The following CA10 variants were observed in gnomAD, a reference collection of about 807,000 sequenced individuals.
The protein encoded by CA10 is carbonic anhydrase-related protein 10.
CA10 carries 14 observed loss-of-function variants against 44.2 expected under a neutral mutation model. That is an observed-to-expected ratio of 0.32 (90% CI 0.21 to 0.50). The LOEUF is 0.50. Ranked by LOEUF, CA10 falls within the 20% of genes least tolerant of loss-of-function variation. The pLI, the probability that CA10 is intolerant of heterozygous loss-of-function variation, is 0.99. For synonymous variants in CA10, 159 were observed against 141.6 expected, an observed-to-expected ratio of 1.12 and a Z score of -0.87; for missense variants, 350 against 409.7, an observed-to-expected ratio of 0.85 and a Z score of 1.26.
intron 2 of CA10, among the ~76,000 whole-genome samples, chr17:52,070,734 C>A (rs797014447): frequency 1.1e-4 from 17 of 152,240 alleles, no homozygotes; most frequent in African/African-American, 4.1e-4. Context: ...GAAGCAACAA[C>A]CAACTCAAAA....
At chr17:51,746,229 C>A (rs368924629) in intron 4 of CA10, among the ~76,000 whole-genome samples, 1 of 152,206 alleles carries the variant, frequency 6.6e-6, no homozygotes, top group Non-Finnish European at 1.5e-5. Context: ...TGACATGCCT[C>A]GGGGCTTTTG....
intron 4 of CA10, among the ~76,000 whole-genome samples, chr17:51,710,682 G>C (rs981814229): frequency 2.0e-5 from 3 of 152,062 alleles, no homozygotes; most frequent in African/African-American, 7.2e-5. Context: ...AACATCCCCC[G>C]ACTGAGCTTC....
chr17:52,071,426 G>C (rs1319622237), intron 2 of CA10, among the ~76,000 whole-genome samples: 3 of 152,060 alleles, frequency 2.0e-5, no homozygotes, highest in Admixed American at 2.0e-4. Flanking sequence ...CTGCACAGCT[G>C]GTGTAATAGA....
chr17:51,715,227 G>C (rs538856874), intron 4 of CA10, among the ~76,000 whole-genome samples: 1 of 152,052 alleles, frequency 6.6e-6, no homozygotes, highest in East Asian at 1.9e-4. Context: ...GGGGTGGGGG[G>C]TGGAGGGAGG....
chr17:51,635,787 C>G (rs889989419), intron 7 of CA10, 68 bp downstream of exon 7: 2 of 1,305,616 alleles, frequency 1.5e-6, no homozygotes, highest in African/African-American at 2.9e-5. Context: ...AATAGGCACT[C>G]CACATTTCAG....
At chr17:51,640,301 A>T (rs191553353) in intron 6 of CA10, among the ~76,000 whole-genome samples, 1 of 152,320 alleles carries the variant, frequency 6.6e-6, no homozygotes, top group Admixed American at 6.5e-5. Flanking sequence ...ATCATTTATC[A>T]GATGAGGGGA....
At chr17:51,899,589 T>C (rs753064666) in intron 3 of CA10, among the ~76,000 whole-genome samples, 4 of 152,104 alleles carry the variant, frequency 2.6e-5, no homozygotes, top group Non-Finnish European at 4.4e-5. Context: ...CTAGCTCAGG[T>C]CCCAAACATA....
intron 2 of CA10, among the ~76,000 whole-genome samples, chr17:51,940,773 T>A (rs992311787): frequency 3.0e-4 from 46 of 152,110 alleles, no homozygotes; most frequent in African/African-American, 1.0e-3. Flanking sequence ...ATAACTCCTG[T>A]GCTATACTTC....
intron 3 of CA10, among the ~76,000 whole-genome samples, chr17:51,894,636 C>T (rs1204722991): frequency 6.6e-6 from 1 of 152,040 alleles, no homozygotes; most frequent in African/African-American, 2.4e-5. Context: ...AATTTTATTC[C>T]TCCAAAGGAA....
chr17:51,901,657 A>C (rs1981322660), intron 3 of CA10, among the ~76,000 whole-genome samples: 1 of 152,118 alleles, frequency 6.6e-6, no homozygotes. Context: ...CTCAGTCTGG[A>C]GCTGAGATTG....
chr17:52,147,684 G>A (rs1289491169), intron 1 of CA10, among the ~76,000 whole-genome samples: 1 of 152,024 alleles, frequency 6.6e-6, no homozygotes, highest in East Asian at 1.9e-4. Context: ...CTCTACAGGG[G>A]TTTGAGTCAC....
intron 6 of CA10, among the ~76,000 whole-genome samples, chr17:51,647,000 C>G (rs1015481664): frequency 2.7e-5 from 4 of 150,680 alleles, no homozygotes; most frequent in African/African-American, 4.9e-5. Flanking sequence ...ATCTCTTTAT[C>G]TTGCTTTGGC....
chr17:52,114,145 GCTT>G (rs1457012604), intron 1 of CA10, among the ~76,000 whole-genome samples: 1 of 152,170 alleles, frequency 6.6e-6, no homozygotes, highest in Non-Finnish European at 1.5e-5. Context: ...CCTGAATGAA[GCTT>G]CTTTATCATA....
At chr17:52,005,090 G>T (rs1457366848) in intron 2 of CA10, among the ~76,000 whole-genome samples, 1 of 151,728 alleles carries the variant, frequency 6.6e-6, no homozygotes, top group African/African-American at 2.4e-5. Context: ...CCAAGATCCT[G>T]GATCTCCAAA....
chr17:51,708,035 C>G (rs1473305387), intron 4 of CA10, among the ~76,000 whole-genome samples: 2 of 152,142 alleles, frequency 1.3e-5, no homozygotes, highest in Non-Finnish European at 2.9e-5. Flanking sequence ...GAAGATGGCA[C>G]TAAAAGTGGA....
Position 51,931,119 on chromosome 17 carries a change from C to T in CA10, c.150G>A (p.Trp50Ter). The T allele has an allele frequency of 1.9e-6, 3 of 1,613,284 alleles. No homozygotes were observed. Among genetic ancestry groups the T allele is most frequent in the Non-Finnish European group, 2.5e-6 (3 of 1,179,574 alleles). The change falls in exon 3 of 9, where the codon TGG (tryptophan) becomes TGA (stop). Residue 50 changes from tryptophan (W) to a stop codon, truncating the protein, a stop_gained. Coordinates refer to ENST00000451037, the MANE Select transcript of CA10 (RefSeq NM_020178.5). LOFTEE classifies it high-confidence loss of function. ...GATTCCAAGCTGAGTTCACCAATCCCCAGAAAGAAGGAACTAGAAACAAAA... is the reference window on the plus strand; with the variant it reads ...GATTCCAAGCTGAGTTCACCAATCCTCAGAAAGAAGGAACTAGAAACAAAA... ...QGSFVPVPSF[W>*]GLVNSAWNLC...
rs1567854687 is a variant in CA10 at position 51,831,733 on chromosome 17, A to AGCAGCAGCAGCAGCAGCAGCAGCAGCAGC, written c.280-83916_280-83915insGCTGCTGCTGCTGCTGCTGCTGCTGCTGC. On this transcript the variant is annotated intron_variant, in intron 3 of 8. Coordinates refer to ENST00000451037, the MANE Select transcript of CA10 (RefSeq NM_020178.5). ...GCAGCAGCAGCAGCAGCAGCAGCAG[A>AGCAGCAGCAGCAGCAGCAGCAGCAGCAGC]AAAAGACCTTCCTTCCACCTTATTT... 3.4e-4 allele frequency among the ~76,000 whole-genome samples: 41 copies of AGCAGCAGCAGCAGCAGCAGCAGCAGCAGC among 121,572 alleles called. 6 individuals are homozygous for AGCAGCAGCAGCAGCAGCAGCAGCAGCAGC. The highest frequency in any genetic ancestry group is 1.3e-3 in the East Asian group (6 of 4,710). 79.8% of individuals were successfully genotyped at this position (121,572 alleles called of 152,430 possible).
At chr17:52,122,964 G>A (rs956063511) in intron 1 of CA10, among the ~76,000 whole-genome samples, 2 of 150,558 alleles carry the variant, frequency 1.3e-5, no homozygotes, top group Admixed American at 1.3e-4. Context: ...CTTTTTTTTT[G>A]CCAAACATTT....
chr17:51,701,774 A>G (rs1915611719), intron 4 of CA10, among the ~76,000 whole-genome samples: 1 of 152,230 alleles, frequency 6.6e-6, no homozygotes, highest in Admixed American at 6.5e-5. Context: ...ACATTCTATC[A>G]AACTTTCTAG....
Sources: gnomAD v4.1 joint callset for allele counts (sites outside exome capture counted in the v4.1 genomes callset) on GRCh38, gnomAD v4.1.1 for gene constraint, MANE v1.5 for transcripts, NCBI Gene and HGNC (gene_info 2026-07-23, HGNC 2026-07-21) for gene names.